TMEM245: variants seen among roughly 807,000 people sequenced by gnomAD.
The protein encoded by TMEM245 is protein CG-2.
In TMEM245, 69 loss-of-function variants were observed where a neutral mutation model predicts 101.2. The observed-to-expected ratio is 0.68, with a 90% CI of 0.56 to 0.83. The LOEUF (loss-of-function observed/expected upper bound fraction) is 0.83. Among genes scored for constraint, TMEM245 ranks in the 40% least tolerant of loss-of-function variants. The probability of loss-of-function intolerance (pLI) is 0.00; values close to 1 mark genes in which losing one functional copy is unlikely to be tolerated. For missense variants in TMEM245, 1,075 were observed against 1,092.8 expected, an observed-to-expected ratio of 0.98 and a Z score of 0.23; for synonymous variants, 537 against 449.8, an observed-to-expected ratio of 1.19 and a Z score of -2.45.
In TMEM245 at chr9:109,050,285, G is replaced by A. The variant is rs1003422573; in HGVS notation, c.2121C>T (p.Ile707=). 6.2e-7 allele frequency: 1 copy of A among 1,613,884 alleles called. No individual in the cohort carries two copies. Among genetic ancestry groups the A allele is most frequent in the Non-Finnish European group, 8.5e-7 (1 of 1,179,986 alleles). ...AATAGCATAAACCTTATCCCTACCT[G>A]ATAGCTTCTTCCACAGACTGGCCAA... ...NIIGQSVEEA[I]RGVFDASLKM... The change falls in exon 14 of 18, where the codon ATC becomes ATT. Residue 707 remains isoleucine (I), a splice_region_variant and synonymous_variant. Coordinates refer to ENST00000374586, the MANE Select transcript of TMEM245 (RefSeq NM_032012.4).
intron 9 of TMEM245, among the ~76,000 whole-genome samples, chr9:109,068,937 T>C (rs1049529249): frequency 2.6e-5 from 4 of 152,154 alleles, no homozygotes; most frequent in Non-Finnish European, 5.9e-5. Flanking sequence ...GTAACAGTTA[T>C]GTACTGAGTG....
intron 4 of TMEM245, 25 bp from the exon 5 acceptor site, chr9:109,091,180 C>T: frequency 1.9e-6 from 3 of 1,591,320 alleles, no homozygotes; most frequent in Non-Finnish European, 2.6e-6. Context: ...AAAAACACCA[C>T]ACACCGCATT....
intron 9 of TMEM245, 32 bp from the exon 10 acceptor site, chr9:109,064,599 G>C: frequency 6.3e-7 from 1 of 1,587,114 alleles, no homozygotes; most frequent in Non-Finnish European, 8.6e-7. Flanking sequence ...AATGAAAAAA[G>C]TACACTTTCT....
chr9:109,119,476 G>GC lies in TMEM245; in HGVS notation c.437dup (p.Arg147ProfsTer68). The GC allele has an allele frequency of 6.7e-7, 1 of 1,488,192 alleles. No homozygotes were observed. The highest frequency in any genetic ancestry group is 8.9e-7 in the Non-Finnish European group (1 of 1,129,570). 92.2% of individuals were successfully genotyped at this position (1,488,192 alleles called of 1,614,324 possible). ...CGGCGCCGAGCAGCAGGAGCAGGCG[G>GC]CGGCGGCGCAGCGCCTGCTCGCCCA... On this transcript the variant is annotated frameshift_variant, in exon 1 of 18. Coordinates refer to ENST00000374586, the MANE Select transcript of TMEM245 (RefSeq NM_032012.4). LOFTEE classifies it high-confidence loss of function.
chr9:109,091,185 C>T (rs371847190), intron 4 of TMEM245, 30 bp from the exon 5 acceptor site: 54 of 1,575,072 alleles, frequency 3.4e-5, no homozygotes, highest in South Asian at 1.2e-4. Context: ...CACCACACAC[C>T]GCATTAGTCC....
At chr9:109,102,030 A>G (rs571917666) in intron 3 of TMEM245, among the ~76,000 whole-genome samples, 3 of 152,338 alleles carry the variant, frequency 2.0e-5, no homozygotes, top group Admixed American at 2.0e-4. Context: ...ATTCTGGCAT[A>G]AGAGGTAAAG....
intron 7 of TMEM245, among the ~76,000 whole-genome samples, chr9:109,085,354 C>A (rs537007314): frequency 6.6e-6 from 1 of 152,138 alleles, no homozygotes; most frequent in African/African-American, 2.4e-5. Flanking sequence ...TCTGGATTAG[C>A]CTTTATTGAA....
chr9:109,109,904 G>A (rs1189691333), intron 1 of TMEM245, among the ~76,000 whole-genome samples: 1 of 152,086 alleles, frequency 6.6e-6, no homozygotes, highest in Non-Finnish European at 1.5e-5. Context: ...CTATATGGTG[G>A]GAGGAAAAGA....
chr9:109,036,846 A>G (rs780460161), intron 15 of TMEM245, among the ~76,000 whole-genome samples: 5 of 152,192 alleles, frequency 3.3e-5, no homozygotes, highest in Non-Finnish European at 7.3e-5. Flanking sequence ...AGTATGTTCA[A>G]GCACTCTTCC....
At chr9:109,058,453 C>T (rs1180179082) in intron 11 of TMEM245, among the ~76,000 whole-genome samples, 2 of 151,976 alleles carry the variant, frequency 1.3e-5, no homozygotes, top group East Asian at 3.9e-4. Flanking sequence ...AGATAAGGGC[C>T]AGGTAAAATG....
intron 9 of TMEM245, among the ~76,000 whole-genome samples, chr9:109,065,778 A>G (rs1219588541): frequency 6.6e-6 from 1 of 152,122 alleles, no homozygotes; most frequent in African/African-American, 2.4e-5. Flanking sequence ...CAACTATTCC[A>G]GAGTGAAGCC....
At chr9:109,050,513 A>G in intron 13 of TMEM245, 57 bp downstream of exon 13, 2 of 1,612,630 alleles carry the variant, frequency 1.2e-6, no homozygotes, top group Non-Finnish European at 1.7e-6. Flanking sequence ...AAATGAAACC[A>G]GAAATATGCT....
intron 17 of TMEM245, among the ~76,000 whole-genome samples, chr9:109,025,995 G>A (rs1827780535): frequency 6.6e-6 from 1 of 152,224 alleles, no homozygotes; most frequent in Admixed American, 6.5e-5. Flanking sequence ...GTGGAATTAA[G>A]AGGTATGTCT....
intron 7 of TMEM245, among the ~76,000 whole-genome samples, chr9:109,083,320 G>C (rs921334443): frequency 6.6e-6 from 1 of 152,160 alleles, no homozygotes; most frequent in African/African-American, 2.4e-5. Flanking sequence ...GGGACCAAAG[G>C]CCAGACGTGC....
At chr9:109,056,814 G>C (rs1828852990) in intron 12 of TMEM245, among the ~76,000 whole-genome samples, 1 of 152,194 alleles carries the variant, frequency 6.6e-6, no homozygotes, top group Non-Finnish European at 1.5e-5. Flanking sequence ...AGGTGATGAT[G>C]CATGGTAGGA....
chr9:109,037,866 C>G, intron 15 of TMEM245, 151 bp downstream of exon 15: 1 of 543,258 alleles, frequency 1.8e-6, no homozygotes, highest in Non-Finnish European at 3.2e-6. Flanking sequence ...CATTACAAAT[C>G]ATATTTCTGT....
chr9:109,048,467 T>G (rs946547290), intron 14 of TMEM245, among the ~76,000 whole-genome samples: 1 of 151,666 alleles, frequency 6.6e-6, no homozygotes, highest in Non-Finnish European at 1.5e-5. Flanking sequence ...TGTGGAAGAC[T>G]AGTTCCAGAC....
At chr9:109,067,506 G>A (rs542062078) in intron 9 of TMEM245, among the ~76,000 whole-genome samples, 1 of 152,130 alleles carries the variant, frequency 6.6e-6, no homozygotes, top group East Asian at 1.9e-4. Flanking sequence ...CCTACCAAGA[G>A]AACAACCCTG....
chr9:109,066,478 A>AT (rs1554722985), intron 9 of TMEM245, among the ~76,000 whole-genome samples: 2,082 of 147,626 alleles, frequency 0.014, 37 homozygotes, highest in Non-Finnish European at 0.023. Context: ...AAAAAAAAAA[A>AT]TTTCTCAGCA....
Sources: allele counts gnomAD v4.1 joint callset (sites outside exome capture counted in the v4.1 genomes callset), GRCh38; gene constraint gnomAD v4.1.1; transcripts MANE v1.5; gene names NCBI Gene and HGNC (gene_info 2026-07-23, HGNC 2026-07-21).